NINJ2: variants seen among roughly 807,000 people sequenced by gnomAD.
NINJ2 encodes the protein ninjurin 2.
Under a neutral mutation model 11.7 loss-of-function variants are expected in NINJ2, and 12 were observed. The ratio of observed to expected loss-of-function variants is 1.02; its 90% confidence interval spans 0.66 to 1.66. The LOEUF is 1.66. NINJ2 is among the 40% of genes most tolerant of loss of function. The pLI is 0.00. For synonymous variants in NINJ2, 93 were observed against 76.8 expected (o/e 1.21, Z -1.10); for missense variants, 187 against 181.8 (o/e 1.03, Z -0.16).
At chr12:602,946 C>A (rs1490195825) in intron 1 of NINJ2, among the ~76,000 whole-genome samples, 2 of 152,154 alleles carry the variant, frequency 1.3e-5, no homozygotes, top group African/African-American at 4.8e-5. Context: ...GATCCTCCCA[C>A]CCCAACCTCT....
At chr12:661,898 T>G (rs1937962681) in intron 1 of NINJ2, among the ~76,000 whole-genome samples, 1 of 152,202 alleles carries the variant, frequency 6.6e-6, no homozygotes, top group African/African-American at 2.4e-5. Flanking sequence ...TACCAAGAGT[T>G]GCCTCATGCA....
intron 1 of NINJ2, among the ~76,000 whole-genome samples, chr12:569,258 G>A (rs1947344939): frequency 6.6e-6 from 1 of 152,204 alleles, no homozygotes; most frequent in Non-Finnish European, 1.5e-5. Context: ...GGGATCCCAG[G>A]GCCAACACTT....
chr12:574,025 C>T (rs1947416053), intron 1 of NINJ2, among the ~76,000 whole-genome samples: 1 of 152,140 alleles, frequency 6.6e-6, no homozygotes, highest in African/African-American at 2.4e-5. Context: ...AGTTCGAGAC[C>T]AGCCTGGCCA....
At chr12:621,899 C>T (rs1458227781) in intron 1 of NINJ2, among the ~76,000 whole-genome samples, 1 of 151,864 alleles carries the variant, frequency 6.6e-6, no homozygotes, top group African/African-American at 2.4e-5. Flanking sequence ...TTTGGGAGGC[C>T]GAGGTGGGTG....
chr12:649,028 A>ATCTG (rs1324618155), intron 1 of NINJ2, among the ~76,000 whole-genome samples: 1 of 150,460 alleles, frequency 6.6e-6, no homozygotes, highest in African/African-American at 2.4e-5. Flanking sequence ...CTATCTATCT[A>ATCTG]TCTATCTCAA....
intron 1 of NINJ2, among the ~76,000 whole-genome samples, chr12:607,306 G>T (rs958155602): frequency 2.6e-5 from 4 of 151,830 alleles, no homozygotes; most frequent in African/African-American, 9.7e-5. Flanking sequence ...AGCATATTAG[G>T]GATAATAGGT....
chr12:643,623 G>C, intron 1 of NINJ2: 1 of 988,068 alleles, frequency 1.0e-6, no homozygotes, highest in Non-Finnish European at 1.2e-6. Flanking sequence ...GCCACCGAGC[G>C]GCTGCTTTGC....
chr12:569,053 C>T (rs1592067164), intron 1 of NINJ2, among the ~76,000 whole-genome samples: 3 of 152,296 alleles, frequency 2.0e-5, no homozygotes, highest in South Asian at 2.1e-4. Flanking sequence ...CATCTTCCTT[C>T]GTGTTTGATT....
intron 1 of NINJ2, among the ~76,000 whole-genome samples, chr12:568,854 C>T (rs1053737632): frequency 1.4e-5 from 2 of 147,714 alleles, no homozygotes; most frequent in East Asian, 2.0e-4. Flanking sequence ...ACATGCCAGG[C>T]GGTGCTTGGG....
At chr12:583,468 A>G (rs1184142935) in intron 1 of NINJ2, among the ~76,000 whole-genome samples, 1 of 152,232 alleles carries the variant, frequency 6.6e-6, no homozygotes, top group African/African-American at 2.4e-5. Flanking sequence ...TGAGGCTGCC[A>G]CCTGGCACCT....
At chr12:616,320 G>A (rs1948090902) in intron 1 of NINJ2, among the ~76,000 whole-genome samples, 1 of 152,212 alleles carries the variant, frequency 6.6e-6, no homozygotes, top group African/African-American at 2.4e-5. Context: ...ACCAGGTTGT[G>A]TCCTGTAAGT....
At chr12:568,969 C>T (rs545941599) in intron 1 of NINJ2, among the ~76,000 whole-genome samples, 1 of 147,872 alleles carries the variant, frequency 6.8e-6, no homozygotes, top group Non-Finnish European at 1.5e-5. Context: ...CAAAATCAGG[C>T]TGGGGCCCAG....
chr12:584,764 C>T (rs532243119), intron 1 of NINJ2, among the ~76,000 whole-genome samples: 5 of 151,902 alleles, frequency 3.3e-5, no homozygotes, highest in African/African-American at 1.2e-4. Context: ...CGAGATTGCG[C>T]CACTGCACTT....
chr12:635,209 A>G (rs1443061045), intron 1 of NINJ2, among the ~76,000 whole-genome samples: 1 of 152,134 alleles, frequency 6.6e-6, no homozygotes, highest in East Asian at 1.9e-4. Flanking sequence ...ACGTGCCACC[A>G]CATCCTAAAT....
At chr12:649,540 T>TATAC (rs1937756677) in intron 1 of NINJ2, among the ~76,000 whole-genome samples, 2 of 146,936 alleles carry the variant, frequency 1.4e-5, no homozygotes, top group South Asian at 4.3e-4. Flanking sequence ...TGTATATATA[T>TATAC]ATATATATAT....
chr12:655,609 C>A (rs1418539754), intron 1 of NINJ2, among the ~76,000 whole-genome samples: 5 of 152,012 alleles, frequency 3.3e-5, no homozygotes. Context: ...TTAAATAAAT[C>A]AAGGAACTAA....
chr12:598,399 G>A (rs977576278), intron 1 of NINJ2, among the ~76,000 whole-genome samples: 1 of 152,190 alleles, frequency 6.6e-6, no homozygotes, highest in East Asian at 1.9e-4. Context: ...GTGAATTCCA[G>A]AGAGGACTGG....
chr12:631,599 T>C (rs1948283066), intron 1 of NINJ2, among the ~76,000 whole-genome samples: 1 of 152,110 alleles, frequency 6.6e-6, no homozygotes, highest in South Asian at 2.1e-4. Flanking sequence ...CTTGACCTCG[T>C]GATCCGCCTG....
intron 1 of NINJ2, chr12:586,132 A>G (rs1483062206): frequency 1.7e-5 from 1 of 60,502 alleles, no homozygotes; most frequent in Non-Finnish European, 3.7e-5. Flanking sequence ...AAACAGGAAA[A>G]AAGAAAAAAA....
Sources: gnomAD v4.1 joint callset for allele counts (sites outside exome capture counted in the v4.1 genomes callset) on GRCh38, gnomAD v4.1.1 for gene constraint, MANE v1.5 for transcripts, NCBI Gene and HGNC (gene_info 2026-07-23, HGNC 2026-07-21) for gene names.